Variants in NXPE2 observed in about 807,000 individuals in gnomAD.
NXPE2 encodes the protein NXPE family member 2.
In NXPE2, 34 loss-of-function variants were observed where a neutral mutation model predicts 34.4. The ratio of observed to expected loss-of-function variants is 0.99; its 90% confidence interval spans 0.75 to 1.31. The LOEUF (loss-of-function observed/expected upper bound fraction) is 1.31. Ranked by LOEUF, NXPE2 falls within the 40% of genes most tolerant of loss-of-function variation. NXPE2 has a pLI of 0.00. For synonymous variants in NXPE2, 235 were observed against 231.3 expected (o/e 1.02, Z -0.15); for missense variants, 649 against 672.5 (o/e 0.97, Z 0.39).
the NXPE2 span, among the ~76,000 whole-genome samples, chr11:114,664,014 C>T: frequency 6.6e-6 from 1 of 152,248 alleles, no homozygotes; most frequent in South Asian, 2.1e-4. Context: ...AACAGACTTA[C>T]CACACAGCAA....
At chr11:114,495,697 C>T in the NXPE2 span, among the ~76,000 whole-genome samples, 1 of 152,122 alleles carries the variant, frequency 6.6e-6, no homozygotes, top group South Asian at 2.1e-4. Context: ...TTAGCTTATT[C>T]AGGGCCTAAG....
the NXPE2 span, among the ~76,000 whole-genome samples, chr11:114,664,823 C>G: frequency 6.6e-6 from 1 of 152,172 alleles, no homozygotes; most frequent in South Asian, 2.1e-4. Flanking sequence ...AGCTCCCAGT[C>G]TGTCACACAA....
At chr11:114,570,822 T>C in the NXPE2 span, 1 of 668,934 alleles carries the variant, frequency 1.5e-6, no homozygotes, top group Non-Finnish European at 2.5e-6. Flanking sequence ...AGCCATAATG[T>C]AGATTCTCTG....
chr11:114,631,810 G>A, the NXPE2 span, among the ~76,000 whole-genome samples: 20 of 151,202 alleles, frequency 1.3e-4, no homozygotes, highest in Admixed American at 1.3e-3. Flanking sequence ...TGGATAATAA[G>A]TATTGCCTCA....
At chr11:114,480,672 A>G in the NXPE2 span, among the ~76,000 whole-genome samples, 1 of 152,222 alleles carries the variant, frequency 6.6e-6, no homozygotes, top group African/African-American at 2.4e-5. Flanking sequence ...GTCATTAGCA[A>G]CTGAAAGTAT....
the NXPE2 span, among the ~76,000 whole-genome samples, chr11:114,615,978 C>G: frequency 6.6e-6 from 1 of 151,396 alleles, no homozygotes; most frequent in Non-Finnish European, 1.5e-5. Flanking sequence ...TAAGTATTCT[C>G]TCGTGGAAAA....
the NXPE2 span, chr11:114,594,731 G>T: frequency 6.3e-7 from 1 of 1,588,716 alleles, no homozygotes; most frequent in South Asian, 1.1e-5. Context: ...TGCCAATAGT[G>T]ACTTATAATT....
At chr11:114,767,420 T>G in the NXPE2 span, among the ~76,000 whole-genome samples, 80 of 152,306 alleles carry the variant, frequency 5.3e-4, no homozygotes, top group African/African-American at 1.9e-3. Context: ...CAAAGCCCTT[T>G]GCTCCTTCCA....
chr11:114,736,276 C>G, the NXPE2 span, among the ~76,000 whole-genome samples: 1 of 152,130 alleles, frequency 6.6e-6, no homozygotes, highest in Non-Finnish European at 1.5e-5. Flanking sequence ...TCCTAACAAG[C>G]CTGGGAGCAC....
the NXPE2 span, chr11:114,570,897 T>C: frequency 2.8e-6 from 4 of 1,431,026 alleles, no homozygotes; most frequent in Admixed American, 4.1e-5. Context: ...AGTCAATAAA[T>C]TTTTTTACTT....
the NXPE2 span, among the ~76,000 whole-genome samples, chr11:114,632,287 T>G: frequency 7.2e-6 from 1 of 138,508 alleles, no homozygotes; most frequent in Non-Finnish European, 1.5e-5. Flanking sequence ...ACTATATATG[T>G]ATATTATCCA....
the NXPE2 span, among the ~76,000 whole-genome samples, chr11:114,536,538 G>T: frequency 6.6e-6 from 1 of 151,996 alleles, no homozygotes; most frequent in Non-Finnish European, 1.5e-5. Context: ...CCGCTAGCAA[G>T]ACTAATAAAG....
chr11:114,652,210 C>T, the NXPE2 span, among the ~76,000 whole-genome samples: 1 of 152,234 alleles, frequency 6.6e-6, no homozygotes, highest in African/African-American at 2.4e-5. Context: ...GCTCTGAGAC[C>T]TCAGTTGAGT....
chr11:114,518,300 C>G, the NXPE2 span: 1 of 152,170 alleles, frequency 6.6e-6, no homozygotes, highest in Non-Finnish European at 1.5e-5. Flanking sequence ...ACATTCAGCC[C>G]CACAGCCATT....
chr11:114,805,303 C>T, the NXPE2 span, among the ~76,000 whole-genome samples: 3 of 151,834 alleles, frequency 2.0e-5, no homozygotes, highest in East Asian at 3.9e-4. Context: ...AACTGAGGTA[C>T]TGGGTTCATC....
At chr11:114,676,658 G>A (rs1950861349), upstream of NXPE2, among the ~76,000 whole-genome samples, 2 of 151,960 alleles carry the variant, frequency 1.3e-5, no homozygotes, top group South Asian at 4.1e-4. Flanking sequence ...CTTTTGATGG[G>A]AATGTAAATT....
the NXPE2 span, chr11:114,523,100 A>G: frequency 6.3e-7 from 1 of 1,597,324 alleles, no homozygotes; most frequent in South Asian, 1.1e-5. Context: ...CTCTGGTAAC[A>G]AAGACACTCG....
the NXPE2 span, among the ~76,000 whole-genome samples, chr11:114,634,271 G>A: frequency 6.6e-6 from 1 of 151,990 alleles, no homozygotes. Context: ...CTTTTGAGAA[G>A]TGTCTGTTCA....
chr11:114,594,602 A>T, the NXPE2 span: 3 of 1,059,834 alleles, frequency 2.8e-6, no homozygotes, highest in African/African-American at 4.8e-5. Flanking sequence ...CCTTTCCTAG[A>T]ACAGATGAGG....
Sources: gnomAD v4.1 joint callset for allele counts (sites outside exome capture counted in the v4.1 genomes callset) on GRCh38, gnomAD v4.1.1 for gene constraint, MANE v1.5 for transcripts, NCBI Gene and HGNC (gene_info 2026-07-23, HGNC 2026-07-21) for gene names.